The following USP44 variants were observed in gnomAD, a reference collection of about 807,000 sequenced individuals.
USP44 encodes ubiquitin specific peptidase 44.
Under a neutral mutation model 69.0 loss-of-function variants are expected in USP44, and 61 were observed. The ratio of observed to expected loss-of-function variants is 0.88; its 90% CI spans 0.72 to 1.09. The LOEUF is 1.09. Ranked by LOEUF, USP44 falls within the 50% of genes least tolerant of loss-of-function variation. The pLI is 0.00. For synonymous variants in USP44, 297 were observed against 295.4 expected (o/e 1.01, Z -0.06); for missense variants, 753 against 849.9 (o/e 0.89, Z 1.42).
intron 1 of USP44, among the ~76,000 whole-genome samples, chr12:95,542,457 T>C (rs994682598): frequency 2.0e-5 from 3 of 152,202 alleles, no homozygotes; most frequent in Non-Finnish European, 4.4e-5. Flanking sequence ...ATCCTCTTTA[T>C]GATATTTGAA....
At chr12:95,526,441 G>A (rs982617721) in intron 3 of USP44, among the ~76,000 whole-genome samples, 5 of 152,094 alleles carry the variant, frequency 3.3e-5, no homozygotes, top group Middle Eastern at 6.8e-3. Context: ...GCGTGGTGGC[G>A]GGCGCCTGTA....
At chr12:95,549,725 A>G (rs996368646) in intron 1 of USP44, among the ~76,000 whole-genome samples, 2 of 152,254 alleles carry the variant, frequency 1.3e-5, no homozygotes, top group African/African-American at 4.8e-5. Flanking sequence ...AATTGTTCCT[A>G]TCTTTTCATC....
chr12:95,524,183 C>T (rs141368730), intron 4 of USP44, among the ~76,000 whole-genome samples: 1,858 of 151,996 alleles, frequency 0.012, 27 homozygotes, highest in African/African-American at 0.043. Flanking sequence ...CAGGTTCAAG[C>T]GATTCTCCCG....
At chr12:95,525,984 T>A (rs1040256589) in intron 3 of USP44, among the ~76,000 whole-genome samples, 1 of 152,236 alleles carries the variant, frequency 6.6e-6, no homozygotes, top group African/African-American at 2.4e-5. Flanking sequence ...CTGCTGAATG[T>A]CCTGGACCTA....
rs2077066844 is a variant in USP44 at position 95,532,919 on chromosome 12, T to C, written c.1338A>G (p.Leu446=). ...QRELETTGTS[L]PALIPTSQRK... ...TTTGAGAAGTGGGGATAAGAGCTGG[T>C]AAACTGGTACCAGTTGTCTCTAATT... The change falls in exon 2 of 6, where the codon TTA becomes TTG. Residue 446 remains leucine, a synonymous_variant. Coordinates refer to ENST00000258499, the MANE Select transcript of USP44 (RefSeq NM_032147.5). 1 of 1,614,162 alleles carries C rather than the reference T, an allele frequency of 6.2e-7. No individual in the cohort carries two copies. Among genetic ancestry groups the C allele is most frequent in the Non-Finnish European group, 8.5e-7 (1 of 1,180,020 alleles).
chr12:95,516,793 T>G lies in USP44; in HGVS notation c.*1361A>C, dbSNP rs1436045226. The G allele has an allele frequency of 6.6e-6, 1 of 152,208 alleles. No homozygotes were observed. Among genetic ancestry groups the G allele is most frequent in the Non-Finnish European group, 1.5e-5 (1 of 68,042 alleles). The allele number at this position is 152,208 out of a possible 1,614,324, so 9.4% of individuals were successfully genotyped here. A position where few individuals can be genotyped will look rare whatever the true frequency, so the allele number is the denominator to read the frequency against. ...AGAAAAATTTATTGGTAGAGACCTC[T>G]TTCAAGTTTGTACTTAACAGATGAT... On this transcript the variant is annotated 3_prime_UTR_variant, in exon 6 of 6. Coordinates refer to ENST00000258499, the MANE Select transcript of USP44 (RefSeq NM_032147.5).
intron 1 of USP44, chr12:95,546,498 A>C (rs1458354868): frequency 6.6e-6 from 1 of 152,180 alleles, no homozygotes; most frequent in Non-Finnish European, 1.5e-5. Context: ...TCACCTATTT[A>C]GGCTGGGCCT....
At chr12:95,535,261 T>C (rs896026723) in intron 1 of USP44, 3 of 152,232 alleles carry the variant, frequency 2.0e-5, no homozygotes, top group African/African-American at 2.4e-5. Context: ...ATCTGACACA[T>C]GGTAAATGGT....
At chr12:95,537,401 CT>C (rs2077241884) in intron 1 of USP44, among the ~76,000 whole-genome samples, 1 of 152,116 alleles carries the variant, frequency 6.6e-6, no homozygotes, top group Admixed American at 6.6e-5. Flanking sequence ...TCACTGCAAC[CT>C]CCACCTCCTG....
At chr12:95,538,545 G>GT (rs71644413) in intron 1 of USP44, among the ~76,000 whole-genome samples, 7 of 150,008 alleles carry the variant, frequency 4.7e-5, no homozygotes, top group Non-Finnish European at 8.8e-5. Context: ...ATTTTAAAAG[G>GT]GGGGGGTCTC....
chr12:95,531,236 A>G (rs1011954999), intron 2 of USP44, among the ~76,000 whole-genome samples: 3 of 152,162 alleles, frequency 2.0e-5, no homozygotes, highest in Non-Finnish European at 1.5e-5. Context: ...AAAACACACA[A>G]AAAAATTATG....
chr12:95,524,711 GAGGT>G lies in USP44; in HGVS notation c.1698_1701del (p.Pro567ArgfsTer31). 6.2e-7 allele frequency: 1 copy of G among 1,612,568 alleles called. No homozygotes were observed. Among genetic ancestry groups the G allele is most frequent in the Admixed American group, 1.7e-5 (1 of 59,724 alleles). On this transcript the variant is annotated frameshift_variant, in exon 4 of 6. Transcript: ENST00000258499. LOFTEE classifies it high-confidence loss of function. ...CGTTTGAGGTGCAGTCTGAGAACCT[GAGGT>G]AGGTGGCATATCATAAGTTGTTTCT...
intron 1 of USP44, among the ~76,000 whole-genome samples, chr12:95,542,321 T>C (rs947588268): frequency 2.0e-5 from 3 of 152,238 alleles, no homozygotes; most frequent in African/African-American, 4.8e-5. Flanking sequence ...GAAAAGACTA[T>C]ATCCCAAACA....
At chr12:95,540,932 T>G (rs1196483524) in intron 1 of USP44, among the ~76,000 whole-genome samples, 2 of 152,178 alleles carry the variant, frequency 1.3e-5, no homozygotes, top group African/African-American at 4.8e-5. Context: ...ACACAAAAAT[T>G]GGGAGAGGAA....
At chr12:95,527,212 G>A (rs1047879011) in intron 3 of USP44, among the ~76,000 whole-genome samples, 3 of 150,626 alleles carry the variant, frequency 2.0e-5, no homozygotes, top group Non-Finnish European at 4.4e-5. Flanking sequence ...CTCCTGCCTC[G>A]GCCTCTTGAA....
rs1475061896 is a variant in USP44, at chr12:95,544,075, G to A, written c.-71+7197C>T. 5.8e-3 allele frequency among the ~76,000 whole-genome samples: 633 copies of A among 109,076 alleles called. 19 individuals carry two copies. Among genetic ancestry groups the A allele is most frequent in the African/African-American group, 0.021 (590 of 27,538 alleles). The allele number at this position is 109,076 out of a possible 152,430, so 71.6% of individuals were successfully genotyped here. On this transcript the variant is annotated intron_variant, in intron 1 of 5. Transcript: ENST00000258499. ...TTTTTTTTTTTTTTTTTTTTTCTGA[G>A]ATGGAGTCTCGCTCTGTCGCCCAGG...
intron 1 of USP44, among the ~76,000 whole-genome samples, chr12:95,538,966 G>T (rs2077295334): frequency 6.6e-6 from 1 of 152,244 alleles, no homozygotes. Flanking sequence ...ATTTTTGGCA[G>T]TATATTCATT....
At position 95,533,270 on chromosome 12, in the gene USP44, T is replaced by G. The variant is rs201597304; in HGVS notation, c.987A>C (p.Thr329=). 178 of 1,614,066 alleles carry G rather than the reference T, an allele frequency of 1.1e-4. No homozygotes were observed. Among genetic ancestry groups the G allele is most frequent in the Middle Eastern group, 3.3e-4 (2 of 6,084 alleles). The change falls in exon 2 of 6, where the codon ACA becomes ACC. Residue 329 remains threonine (T), a synonymous_variant. Transcript: ENST00000258499. ...RSCKHPPVTD[T]VVYQMNECQE... Reference sequence around the variant, plus strand: ...GACATTCATTCATTTGATATACTACTGTATCTGTGACTGGTGGATGCTTAC... The same window carrying G: ...GACATTCATTCATTTGATATACTACGGTATCTGTGACTGGTGGATGCTTAC...
intron 2 of USP44, 57 bp from the exon 3 acceptor site, chr12:95,529,059 C>G (rs2076940651): frequency 2.7e-6 from 4 of 1,457,532 alleles, no homozygotes; most frequent in Non-Finnish European, 3.7e-6. Context: ...AACATTAACT[C>G]TTTTCACTAG....
Sources: allele counts gnomAD v4.1 joint callset (sites outside exome capture counted in the v4.1 genomes callset), GRCh38; gene constraint gnomAD v4.1.1; transcripts MANE v1.5; gene names NCBI Gene and HGNC (gene_info 2026-07-23, HGNC 2026-07-21).